Variants in NAV2 observed in about 807,000 individuals in gnomAD.
The protein encoded by NAV2 is helicase, APC down-regulated 1.
In NAV2, 54 loss-of-function variants were observed where a neutral mutation model predicts 223.2. That is an observed-to-expected ratio of 0.24 (90% CI 0.19 to 0.30). The LOEUF is 0.30. Ranked by LOEUF, NAV2 falls within the 10% of genes least tolerant of loss-of-function variation. The pLI, the probability that NAV2 is intolerant of heterozygous loss-of-function variation, is 1.00. For missense variants in NAV2, 2,806 were observed against 3,147.5 expected, an observed-to-expected ratio of 0.89 and a Z score of 2.60; for synonymous variants, 1,279 against 1,239.3, an observed-to-expected ratio of 1.03 and a Z score of -0.67.
chr11:19,836,333 G>A lies in NAV2; in HGVS notation c.385+3732G>A, dbSNP rs1023360084. 6.6e-5 allele frequency among the ~76,000 whole-genome samples: 10 copies of A among 152,038 alleles called. No individual in the cohort carries two copies. The East Asian group carries it at 1.9e-3, about 29-fold the overall frequency. ...AGCACTTTGGGAGGCCGAGGCGGGT[G>A]GATCATGAGGTCAGGAGATCGAGAC... On this transcript the variant is annotated intron_variant, in intron 2 of 37. Coordinates refer to ENST00000349880, the MANE Select transcript of NAV2 (RefSeq NM_145117.5).
chr11:20,114,807 G>A lies in NAV2; in HGVS notation c.7164+12G>A. ...AAGGTGACCCGCTGGTGAGTCCTCA[G>A]CCACCAGAGCAGCTCAGCATTCCTT... On this transcript the variant is annotated intron_variant, in intron 37 of 37. Transcript: ENST00000349880. 1 of 1,609,974 alleles carries A rather than the reference G, an allele frequency of 6.2e-7. No homozygotes were observed. The highest frequency in any genetic ancestry group is 8.5e-7 in the Non-Finnish European group (1 of 1,178,064).
At chr11:20,096,137 C>T (rs1219137776) in intron 30 of NAV2, among the ~76,000 whole-genome samples, 2 of 152,182 alleles carry the variant, frequency 1.3e-5, no homozygotes, top group Non-Finnish European at 2.9e-5. Flanking sequence ...GGCTTAGACA[C>T]CAGATTTCTA....
chr11:20,099,868 A>G (rs973129608), intron 31 of NAV2, among the ~76,000 whole-genome samples: 1 of 152,270 alleles, frequency 6.6e-6, no homozygotes, highest in South Asian at 2.1e-4. Context: ...TAGAGACCCT[A>G]CACTCCATAC....
intron 4 of NAV2, among the ~76,000 whole-genome samples, chr11:19,877,959 A>G (rs2062957991): frequency 6.6e-6 from 1 of 152,192 alleles, no homozygotes; most frequent in Non-Finnish European, 1.5e-5. Context: ...GAAGTGGAAC[A>G]TGCTACAGGT....
intron 1 of NAV2, among the ~76,000 whole-genome samples, chr11:19,565,084 G>A (rs933435346): frequency 9.2e-5 from 14 of 151,566 alleles, no homozygotes; most frequent in Admixed American, 9.2e-4. Flanking sequence ...GCAGTGAGCC[G>A]AGATCACACC....
At chr11:19,627,607 G>A (rs1316938400) in intron 1 of NAV2, among the ~76,000 whole-genome samples, 1 of 152,098 alleles carries the variant, frequency 6.6e-6, no homozygotes, top group Non-Finnish European at 1.5e-5. Context: ...TTACCAAATT[G>A]GGAAAGTTAG....
At chr11:19,583,985 C>T (rs994265272) in intron 1 of NAV2, among the ~76,000 whole-genome samples, 61 of 152,210 alleles carry the variant, frequency 4.0e-4, no homozygotes, top group Admixed American at 1.2e-3. Flanking sequence ...TGGTAGAATT[C>T]GGCTGTGAAT....
At chr11:19,570,634 A>G (rs1170228653) in intron 1 of NAV2, among the ~76,000 whole-genome samples, 1 of 152,260 alleles carries the variant, frequency 6.6e-6, no homozygotes, top group Non-Finnish European at 1.5e-5. Context: ...GGACTTGAAT[A>G]GACATTTCTC....
At chr11:19,962,958 G>A (rs1002620912) in intron 10 of NAV2, among the ~76,000 whole-genome samples, 3 of 152,130 alleles carry the variant, frequency 2.0e-5, no homozygotes, top group Admixed American at 6.5e-5. Flanking sequence ...CATCTGTTTC[G>A]AAATTAGAAA....
intron 6 of NAV2, among the ~76,000 whole-genome samples, chr11:19,932,213 A>G (rs1272177099): frequency 3.2e-5 from 4 of 124,236 alleles, no homozygotes; most frequent in Admixed American, 2.2e-4. Context: ...CAGTGAACCC[A>G]TTGCATAGAT....
chr11:19,901,721 A>G (rs2153190092), intron 6 of NAV2, among the ~76,000 whole-genome samples: 1 of 152,324 alleles, frequency 6.6e-6, no homozygotes, highest in East Asian at 1.9e-4. Flanking sequence ...ATTGAAATTT[A>G]TTCTCAGAAC....
Position 20,055,798 on chromosome 11 carries a change from T to C in NAV2, c.4672T>C (p.Leu1558=). 1 of 1,614,122 alleles carries C rather than the reference T, an allele frequency of 6.2e-7. No individual in the cohort carries two copies. The highest frequency in any genetic ancestry group is 1.7e-5 in the Admixed American group (1 of 60,012). ...TCCCACCACTGTCACCCAGATGAGC[T>C]TGTCCAACCCGACCATGCTGAGGAC... ...ASPTTVTQMS[L]SNPTMLRTHS... The change falls in exon 19 of 38, where the codon TTG becomes CTG. Residue 1558 remains leucine, a synonymous_variant. Coordinates refer to ENST00000349880, the MANE Select transcript of NAV2 (RefSeq NM_145117.5).
intron 6 of NAV2, among the ~76,000 whole-genome samples, chr11:19,911,193 G>A (rs145255979): frequency 2.4e-4 from 37 of 152,222 alleles, no homozygotes; most frequent in South Asian, 8.3e-4. Context: ...GACAGGACAC[G>A]TAGCACAGAA....
At chr11:19,372,209 T>A (rs1848495245) in intron 1 of NAV2, among the ~76,000 whole-genome samples, 1 of 152,230 alleles carries the variant, frequency 6.6e-6, no homozygotes, top group Admixed American at 6.5e-5. Context: ...CCCCTCTGAA[T>A]GCCTCAGTTT....
rs148521811 is a variant in NAV2, at chr11:20,082,923, G to A, written c.5326-84G>A. ...GGGGAAAAACATGGGAGAATTAATCGCTTTTTTGTGTGCATGTCTCTGTTT... is the reference window on the plus strand; with the variant it reads ...GGGGAAAAACATGGGAGAATTAATCACTTTTTTGTGTGCATGTCTCTGTTT... On this transcript the variant is annotated intron_variant, in intron 25 of 37. Transcript: ENST00000349880. The A allele has an allele frequency of 1.2e-4, 149 of 1,282,390 alleles. 1 individual carries two copies. The African/African-American group carries it at 1.9e-3, about 17-fold the overall frequency. 79.4% of individuals were successfully genotyped at this position (1,282,390 alleles called of 1,614,324 possible).
intron 25 of NAV2, among the ~76,000 whole-genome samples, chr11:20,082,399 C>G (rs566494219): frequency 2.6e-5 from 4 of 152,316 alleles, no homozygotes; most frequent in African/African-American, 9.6e-5. Context: ...CCCTTCCTTT[C>G]AGAAGGGAGG....
chr11:19,745,993 T>G (rs1391182745), intron 1 of NAV2, among the ~76,000 whole-genome samples: 1 of 152,210 alleles, frequency 6.6e-6, no homozygotes, highest in Non-Finnish European at 1.5e-5. Context: ...TCCTGCAGTT[T>G]CCAAAGCATT....
At chr11:20,072,257 G>A (rs1278104262) in intron 22 of NAV2, among the ~76,000 whole-genome samples, 1 of 152,104 alleles carries the variant, frequency 6.6e-6, no homozygotes, top group Admixed American at 6.5e-5. Flanking sequence ...TAGATGTGTG[G>A]CATTATTTCT....
Position 19,761,737 on chromosome 11 carries a change from G to T in NAV2, c.267+47775G>T, listed in dbSNP as rs150483296. On this transcript the variant is annotated intron_variant, in intron 1 of 37. Transcript: ENST00000349880. ...TCTAGAACTGCTCTAAGGACTACCA[G>T]AAATTACTGATTAGAGGACTAATCC... Among the ~76,000 whole-genome samples the T allele has an allele frequency of 2.8e-4, 42 of 152,318 alleles. No individual in the cohort carries two copies. In the East Asian group the frequency reaches 7.5e-3, roughly 27 times the overall value.
Sources: gnomAD v4.1 joint callset for allele counts (sites outside exome capture counted in the v4.1 genomes callset) on GRCh38, gnomAD v4.1.1 for gene constraint, MANE v1.5 for transcripts, NCBI Gene and HGNC (gene_info 2026-07-23, HGNC 2026-07-21) for gene names.